The following ALK variants were observed in gnomAD, a reference collection of about 807,000 sequenced individuals.
The protein encoded by ALK is ALK receptor tyrosine kinase.
ALK carries 74 observed loss-of-function variants against 163.1 expected under a neutral mutation model. The observed-to-expected ratio is 0.45, with a 90% CI of 0.38 to 0.55. ALK has a LOEUF of 0.55. ALK is among the 20% of genes least tolerant of loss of function. The pLI, the probability that ALK is intolerant of heterozygous loss-of-function variation, is 0.00. For synonymous variants in ALK, 960 were observed against 843.2 expected (o/e 1.14, Z -2.40); for missense variants, 2,063 against 2,105.3 (o/e 0.98, Z 0.39).
chr2:29,512,596 G>A (rs1672553460), intron 4 of ALK, among the ~76,000 whole-genome samples: 1 of 148,130 alleles, frequency 6.8e-6, no homozygotes, highest in Non-Finnish European at 1.5e-5. Flanking sequence ...ACAAGACAGG[G>A]ATGCCCTCTC....
At chr2:29,619,951 C>G (rs1211495547) in intron 3 of ALK, among the ~76,000 whole-genome samples, 1 of 152,182 alleles carries the variant, frequency 6.6e-6, no homozygotes, top group Non-Finnish European at 1.5e-5. Context: ...CTGCCCAACT[C>G]TAGCAGCCCC....
In ALK at chr2:29,576,567, C is replaced by T. The variant is rs552059780; in HGVS notation, c.953-44451G>A. On this transcript the variant is annotated intron_variant, in intron 3 of 28. Transcript: ENST00000389048. ...TCTCAGTGAAGCCCCATGCTGATTG[C>T]AGATGCCTCTGACAGCCATGCTAGC... Among the ~76,000 whole-genome samples the T allele has an allele frequency of 3.3e-3, 501 of 152,326 alleles. 7 individuals are homozygous for T. Among genetic ancestry groups the T allele is most frequent in the African/African-American group, 0.011 (469 of 41,578 alleles).
chr2:29,748,045 C>T (rs553542753), intron 1 of ALK, among the ~76,000 whole-genome samples: 12 of 152,298 alleles, frequency 7.9e-5, no homozygotes, highest in African/African-American at 2.4e-4. Flanking sequence ...GATTGCCTAC[C>T]TGTCTCCTCT....
At chr2:29,554,706 G>A (rs1408507251) in intron 3 of ALK, among the ~76,000 whole-genome samples, 3 of 152,166 alleles carry the variant, frequency 2.0e-5, no homozygotes, top group Admixed American at 6.5e-5. Context: ...ATAGGGTCTG[G>A]GTAAAATGAG....
At chr2:29,695,116 TC>T in intron 2 of ALK, 102 bp from the exon 3 acceptor site, 1 of 1,333,898 alleles carries the variant, frequency 7.5e-7, no homozygotes, top group Non-Finnish European at 1.1e-6. Flanking sequence ...TCTCCCCACA[TC>T]CTTTGCCCTG....
chr2:29,427,639 A>G (rs1573344956), intron 4 of ALK, among the ~76,000 whole-genome samples: 1 of 151,920 alleles, frequency 6.6e-6, no homozygotes. Flanking sequence ...TGAGATAAAA[A>G]GAACAAAAGA....
Position 29,920,515 on chromosome 2 carries a change from G to C in ALK, c.145C>G (p.Leu49Val). ...TCAACTGCCAGACTCTTCCTCTGCA[G>C]GCGCGAGTAGCTGAGTGGCTCCCGG... is the stretch of plus-strand genomic sequence containing the variant. ...QPREPLSYSR[L>V]QRKSLAVDFV... Residue 49 changes from leucine to valine, a missense_variant, in exon 1 of 29, where the codon CTG becomes GTG. This residue lies in a region of ALK where 987 missense variants were observed against 939.5 expected (regional missense o/e 1.05). Coordinates refer to ENST00000389048, the MANE Select transcript of ALK (RefSeq NM_004304.5). 1 of 1,612,516 alleles carries C rather than the reference G, an allele frequency of 6.2e-7. No homozygotes were observed. Among genetic ancestry groups the C allele is most frequent in the Non-Finnish European group, 8.5e-7 (1 of 1,179,618 alleles).
intron 4 of ALK, among the ~76,000 whole-genome samples, chr2:29,414,240 T>C (rs372840856): frequency 5.9e-5 from 9 of 152,354 alleles, no homozygotes; most frequent in African/African-American, 2.2e-4. Flanking sequence ...AACCCCTTAC[T>C]ATCTTCACAT....
At chr2:29,796,821 C>G (rs1227011988) in intron 1 of ALK, among the ~76,000 whole-genome samples, 1 of 151,980 alleles carries the variant, frequency 6.6e-6, no homozygotes, top group Non-Finnish European at 1.5e-5. Context: ...AGGAGGTGAG[C>G]TACCTTTCAT....
rs116531344 is a variant in ALK at position 29,382,322 on chromosome 2, G to A, written c.1282+1410C>T. Among the ~76,000 whole-genome samples the A allele has an allele frequency of 5.1e-3, 782 of 152,306 alleles. 6 individuals are homozygous for A. Among genetic ancestry groups the A allele is most frequent in the African/African-American group, 0.018 (729 of 41,558 alleles). On this transcript the variant is annotated intron_variant, in intron 5 of 28. Coordinates refer to ENST00000389048, the MANE Select transcript of ALK (RefSeq NM_004304.5). ...AACGGGTCTCTGGAACAGACTCACT[G>A]CGAATGCAACACAGGCTATGGGGGA...
At chr2:29,484,941 A>T (rs1671745246) in intron 4 of ALK, among the ~76,000 whole-genome samples, 1 of 152,174 alleles carries the variant, frequency 6.6e-6, no homozygotes, top group South Asian at 2.1e-4. Flanking sequence ...TTTAAAAAAT[A>T]TTCTACTAGC....
chr2:29,500,357 C>T (rs559169819), intron 4 of ALK, among the ~76,000 whole-genome samples: 6 of 152,242 alleles, frequency 3.9e-5, no homozygotes, highest in East Asian at 1.9e-4. Flanking sequence ...CTTGCTCCAC[C>T]GTGTAAGATG....
At chr2:29,218,448 T>TGAGA (rs111941007) in intron 23 of ALK, among the ~76,000 whole-genome samples, 2,111 of 152,068 alleles carry the variant, frequency 0.014, 37 homozygotes, top group African/African-American at 0.048. Context: ...GTGGGGGTAG[T>TGAGA]GAGAGAGAGA....
At chr2:29,635,833 GTTGGCCAGACTGGTCACGA>G (rs1676507880) in intron 3 of ALK, among the ~76,000 whole-genome samples, 4 of 150,864 alleles carry the variant, frequency 2.7e-5, no homozygotes. Flanking sequence ...GTTCTATCAT[GTTGGCCAGACTGGTCACGA>G]ACTCCTGACC....
At chr2:29,434,653 C>T (rs1198841661) in intron 4 of ALK, among the ~76,000 whole-genome samples, 4 of 152,184 alleles carry the variant, frequency 2.6e-5, no homozygotes, top group Admixed American at 2.6e-4. Context: ...GGAGTACTGA[C>T]AATCTACATG....
intron 3 of ALK, among the ~76,000 whole-genome samples, chr2:29,661,036 T>C (rs575762915): frequency 1.1e-4 from 17 of 152,276 alleles, no homozygotes; most frequent in African/African-American, 3.6e-4. Flanking sequence ...TGCTCCTCTC[T>C]GGCTCCTTGT....
At chr2:29,341,852 T>C (rs187965930) in intron 5 of ALK, among the ~76,000 whole-genome samples, 2 of 152,344 alleles carry the variant, frequency 1.3e-5, no homozygotes, top group African/African-American at 4.8e-5. Context: ...TCACTTGCTA[T>C]GGCTAGGAGT....
chr2:29,477,590 G>T (rs1290612572), intron 4 of ALK, among the ~76,000 whole-genome samples: 1 of 152,112 alleles, frequency 6.6e-6, no homozygotes, highest in African/African-American at 2.4e-5. Context: ...AAAGGGCATG[G>T]ACTAAACAGA....
chr2:29,591,662 A>T lies in ALK; in HGVS notation c.953-59546T>A, dbSNP rs141670280. Among the ~76,000 whole-genome samples the T allele has an allele frequency of 4.7e-3, 720 of 152,350 alleles. 8 individuals carry two copies. Among genetic ancestry groups the T allele is most frequent in the African/African-American group, 0.015 (626 of 41,592 alleles). ...AAAGGTCAGAGAGAAGAGGGAGGCA[A>T]GGAGTGACAGCAGGGCTAACAACGA... On this transcript the variant is annotated intron_variant, in intron 3 of 28. Coordinates refer to ENST00000389048, the MANE Select transcript of ALK (RefSeq NM_004304.5).
Sources: gnomAD v4.1 joint callset for allele counts (sites outside exome capture counted in the v4.1 genomes callset) on GRCh38, gnomAD v4.1.1 for gene constraint, gnomAD v4.1.1 regional missense constraint, MANE v1.5 for transcripts, NCBI Gene and HGNC (gene_info 2026-07-23, HGNC 2026-07-21) for gene names.